COX17: variants seen among roughly 807,000 people sequenced by gnomAD.
The protein encoded by COX17 is cytochrome c oxidase copper chaperone.
COX17 carries 1 observed loss-of-function variant against 6.3 expected under a neutral mutation model. The ratio of observed to expected loss-of-function variants is 0.16; its 90% CI spans 0.06 to 0.75. The LOEUF (loss-of-function observed/expected upper bound fraction) is 0.75, where lower values mean the gene tolerates loss of function less well. Among genes scored for constraint, COX17 ranks in the 30% least tolerant of loss-of-function variants. The probability of loss-of-function intolerance (pLI) is 0.77; values close to 1 mark genes in which losing one functional copy is unlikely to be tolerated. For missense variants in COX17, 73 were observed against 81.2 expected, an observed-to-expected ratio of 0.90 and a Z score of 0.39; for synonymous variants, 26 against 30.5, an observed-to-expected ratio of 0.85 and a Z score of 0.49.
chr3:119,667,107 A>C (rs2052999551), downstream of COX17: 1 of 152,234 alleles, frequency 6.6e-6, no homozygotes, highest in Admixed American at 6.5e-5. Flanking sequence ...CCTTCAAGTC[A>C]AACATTTCAA....
At chr3:119,666,466 T>C (rs2052993628), downstream of COX17, among the ~76,000 whole-genome samples, 1 of 152,236 alleles carries the variant, frequency 6.6e-6, no homozygotes, top group Non-Finnish European at 1.5e-5. Flanking sequence ...GGATTTTCTA[T>C]TACTTGCTAT....
intron 1 of COX17, 132 bp downstream of exon 1, chr3:119,677,072 A>T: frequency 1.8e-6 from 1 of 548,528 alleles, no homozygotes; most frequent in Non-Finnish European, 3.3e-6. Context: ...GGGGGAAGGA[A>T]GAGGGCAGAG....
At chr3:119,670,752 T>TTGTGTGTGTGTG (rs10542008) in intron 2 of COX17, among the ~76,000 whole-genome samples, 228 of 149,710 alleles carry the variant, frequency 1.5e-3, no homozygotes, top group African/African-American at 5.4e-3. Flanking sequence ...ATGATCAGTT[T>TTGTGTGTGTGTG]TGTGTGTGTG....
chr3:119,676,842 A>G (rs1338990202), intron 1 of COX17: 11 of 702,684 alleles, frequency 1.6e-5, no homozygotes, highest in East Asian at 1.1e-4. Context: ...TGCTTAACCC[A>G]TAACAGATAC....
downstream of COX17, among the ~76,000 whole-genome samples, chr3:119,664,668 CCATGCTGGTT>C (rs1560101715): frequency 6.6e-6 from 1 of 152,138 alleles, no homozygotes; most frequent in African/African-American, 2.4e-5. Context: ...TGTTACTTGT[CCATGCTGGTT>C]CATGCTGGGG....
At chr3:119,669,893 G>A (rs552748395) in intron 2 of COX17, among the ~76,000 whole-genome samples, 113 of 152,088 alleles carry the variant, frequency 7.4e-4, no homozygotes, top group Middle Eastern at 3.4e-3. Flanking sequence ...CTCTTTAAAA[G>A]TTTTTGAAGT....
chr3:119,667,722 CACACACAGAGAG>C (rs1276353722), downstream of COX17, among the ~76,000 whole-genome samples: 122 of 114,002 alleles, frequency 1.1e-3, no homozygotes, highest in South Asian at 2.1e-3. Context: ...CACACACACA[CACACACAGAGAG>C]AGAGAGACAG....
chr3:119,672,485 C>G (rs1577179574), intron 2 of COX17, among the ~76,000 whole-genome samples: 1 of 152,196 alleles, frequency 6.6e-6, no homozygotes, highest in East Asian at 1.9e-4. Context: ...CCCTTTTTAT[C>G]AAGGCAAGTT....
chr3:119,677,163 C>A (rs370907975), intron 1 of COX17, 41 bp downstream of exon 1: 16 of 1,542,890 alleles, frequency 1.0e-5, no homozygotes, highest in African/African-American at 1.4e-5. Flanking sequence ...AGGCCGCGGC[C>A]CGGGGCTCGT....
chr3:119,668,387 C>T (rs2053012714), downstream of COX17, among the ~76,000 whole-genome samples: 1 of 152,084 alleles, frequency 6.6e-6, no homozygotes, highest in Non-Finnish European at 1.5e-5. Flanking sequence ...CTCTGTAAAT[C>T]ATGAAGTGCT....
At chr3:119,675,696 A>T in intron 1 of COX17, 1 of 153,738 alleles carries the variant, frequency 6.5e-6, no homozygotes, top group African/African-American at 2.4e-5. Context: ...GACCGAGATA[A>T]ACACCCCCTC....
chr3:119,666,653 T>C (rs1027498263), downstream of COX17, among the ~76,000 whole-genome samples: 1 of 152,212 alleles, frequency 6.6e-6, no homozygotes, highest in Non-Finnish European at 1.5e-5. Context: ...CACTAGACTA[T>C]AAGCTCTTTG....
downstream of COX17, among the ~76,000 whole-genome samples, chr3:119,666,497 T>C (rs1041356205): frequency 2.6e-5 from 4 of 152,244 alleles, no homozygotes; most frequent in Admixed American, 1.3e-4. Context: ...ATAATTGACA[T>C]AGATGGAATA....
downstream of COX17, among the ~76,000 whole-genome samples, chr3:119,666,535 T>C (rs997448133): frequency 2.6e-5 from 4 of 152,182 alleles, no homozygotes; most frequent in Admixed American, 6.5e-5. Context: ...CCTAAAGAAA[T>C]AAACGCTGGG....
At chr3:119,675,107 C>T (rs1056058126) in intron 2 of COX17, 38 bp downstream of exon 2, 15 of 1,391,916 alleles carry the variant, frequency 1.1e-5, no homozygotes, top group Non-Finnish European at 1.4e-5. Flanking sequence ...GTTGCTAAAT[C>T]TGTAAAGCAA....
chr3:119,670,928 T>C (rs771474912), intron 2 of COX17, among the ~76,000 whole-genome samples: 6 of 152,174 alleles, frequency 3.9e-5, no homozygotes, highest in Non-Finnish European at 8.8e-5. Context: ...TTCTGTCTCC[T>C]AAAGGCAGGA....
At chr3:119,670,752 TTGTGTGTGTGTGTGTGTG>T (rs10542008) in intron 2 of COX17, among the ~76,000 whole-genome samples, 10 of 149,602 alleles carry the variant, frequency 6.7e-5, no homozygotes, top group Non-Finnish European at 1.2e-4. Context: ...ATGATCAGTT[TTGTGTGTGTGTGTGTGTG>T]TGTGTGTGTG....
chr3:119,667,733 A>G (rs1266769946), downstream of COX17, among the ~76,000 whole-genome samples: 1 of 84,456 alleles, frequency 1.2e-5, no homozygotes, highest in Non-Finnish European at 2.7e-5. Flanking sequence ...ACACACAGAG[A>G]GAGAGAGACA....
intron 1 of COX17, 36 bp from the exon 2 acceptor site, chr3:119,675,269 A>G (rs530394082): frequency 7.2e-7 from 1 of 1,383,832 alleles, no homozygotes; most frequent in South Asian, 1.2e-5. Flanking sequence ...CTAAATATGC[A>G]TTAAGCACAT....
Sources: allele counts gnomAD v4.1 joint callset (sites outside exome capture counted in the v4.1 genomes callset), GRCh38; gene constraint gnomAD v4.1.1; transcripts MANE v1.5; gene names NCBI Gene and HGNC (gene_info 2026-07-23, HGNC 2026-07-21).